The following RBFOX1 variants were observed in gnomAD, a reference collection of about 807,000 sequenced individuals.
RBFOX1 encodes the protein RNA binding fox-1 homolog 1.
Under a neutral mutation model 57.7 loss-of-function variants are expected in RBFOX1, and 8 were observed. The ratio of observed to expected loss-of-function variants is 0.14; its 90% CI spans 0.08 to 0.25. The LOEUF is 0.25. RBFOX1 is among the 10% of genes least tolerant of loss of function. The pLI is 1.00. For synonymous variants in RBFOX1, 326 were observed against 222.4 expected, an observed-to-expected ratio of 1.47 and a Z score of -4.15; for missense variants, 611 against 548.5, an observed-to-expected ratio of 1.11 and a Z score of -1.14.
Position 5,454,748 on chromosome 16 carries a change from TC to T in RBFOX1, c.220-12467del, listed in dbSNP as rs1212709106. Among the ~76,000 whole-genome samples, 419 of 109,374 alleles carry T rather than the reference TC, an allele frequency of 3.8e-3. 3 individuals are homozygous for T. Among genetic ancestry groups the T allele is most frequent in the African/African-American group, 0.015 (403 of 26,230 alleles). The allele number at this position is 109,374 out of a possible 152,430, so 71.8% of individuals were successfully genotyped here. A position where few individuals can be genotyped will look rare whatever the true frequency, so the allele number is the denominator to read the frequency against. On this transcript the variant is annotated intron_variant, in intron 1 of 2. Transcript: ENST00000585867. Reference sequence around the variant, plus strand: ...ATCTCTCTCTTTCTTTCTTTCTTTTTCTTTTCTTTTCTTTCTTTCTCTTTCT... The same window carrying T: ...ATCTCTCTCTTTCTTTCTTTCTTTTTTTTTCTTTTCTTTCTTTCTCTTTCT...
At chr16:5,420,032 C>G (rs1046911890) in intron 1 of RBFOX1, among the ~76,000 whole-genome samples, 18 of 152,118 alleles carry the variant, frequency 1.2e-4, no homozygotes, top group Admixed American at 9.8e-4. Context: ...GGAAGAGAGT[C>G]CAACTGAGTC....
At chr16:7,071,217 C>G (rs116428143) in intron 4 of RBFOX1, among the ~76,000 whole-genome samples, 2 of 151,978 alleles carry the variant, frequency 1.3e-5, no homozygotes, top group Non-Finnish European at 2.9e-5. Context: ...ATTCTAAAAG[C>G]TTTTATTGAG....
intron 1 of RBFOX1, among the ~76,000 whole-genome samples, chr16:6,026,366 C>T (rs982843239): frequency 6.6e-6 from 1 of 152,182 alleles, no homozygotes; most frequent in African/African-American, 2.4e-5. Flanking sequence ...CTTTTCAGAT[C>T]CCCATTTTGC....
At chr16:6,995,453 G>C (rs2092112626) in intron 3 of RBFOX1, among the ~76,000 whole-genome samples, 1 of 152,014 alleles carries the variant, frequency 6.6e-6, no homozygotes, top group African/African-American at 2.4e-5. Flanking sequence ...AAATAATCTT[G>C]CTGGTGGTGA....
At chr16:6,136,556 T>G (rs1275163499) in intron 1 of RBFOX1, among the ~76,000 whole-genome samples, 3 of 152,170 alleles carry the variant, frequency 2.0e-5, no homozygotes, top group Non-Finnish European at 4.4e-5. Flanking sequence ...AATGCCTGAG[T>G]TCTGTGCATT....
At chr16:6,243,137 C>CATGTGTGT (rs1555572839) in intron 1 of RBFOX1, among the ~76,000 whole-genome samples, 1 of 150,326 alleles carries the variant, frequency 6.7e-6, no homozygotes, top group Non-Finnish European at 1.5e-5. Context: ...GATATTTATA[C>CATGTGTGT]GTGTGTCTGT....
chr16:6,838,591 C>G (rs1158580804), intron 3 of RBFOX1, among the ~76,000 whole-genome samples: 3 of 152,308 alleles, frequency 2.0e-5, no homozygotes, highest in South Asian at 4.1e-4. Context: ...TGCTGCCCCT[C>G]TGCTGCTGCT....
intron 3 of RBFOX1, among the ~76,000 whole-genome samples, chr16:6,936,891 A>G (rs1377727266): frequency 1.5e-5 from 2 of 135,684 alleles, no homozygotes; most frequent in African/African-American, 5.6e-5. Context: ...TCCATCAGCC[A>G]GAGTGTGATG....
At chr16:5,276,652 G>A (rs758782597) in intron 1 of RBFOX1, among the ~76,000 whole-genome samples, 5 of 152,086 alleles carry the variant, frequency 3.3e-5, no homozygotes, top group South Asian at 2.1e-4. Context: ...GCATGGTGGC[G>A]GTTGCCTGTA....
chr16:6,346,128 C>G (rs947535884), intron 2 of RBFOX1, among the ~76,000 whole-genome samples: 1 of 152,142 alleles, frequency 6.6e-6, no homozygotes, highest in Non-Finnish European at 1.5e-5. Context: ...CATTTCCCAG[C>G]TTGACTTTTC....
At chr16:6,898,228 T>TTGGCATC (rs2067456114) in intron 3 of RBFOX1, among the ~76,000 whole-genome samples, 1 of 152,070 alleles carries the variant, frequency 6.6e-6, no homozygotes, top group African/African-American at 2.4e-5. Flanking sequence ...GGCCGCCCCT[T>TTGGCATC]TGGCATCAAG....
intron 1 of RBFOX1, among the ~76,000 whole-genome samples, chr16:5,319,405 C>A (rs963693163): frequency 2.0e-5 from 3 of 152,202 alleles, no homozygotes; most frequent in African/African-American, 7.2e-5. Flanking sequence ...CTCTGACTGT[C>A]TGCCCTCCCA....
intron 3 of RBFOX1, among the ~76,000 whole-genome samples, chr16:6,676,432 C>A (rs909721229): frequency 6.6e-6 from 1 of 152,106 alleles, no homozygotes; most frequent in Non-Finnish European, 1.5e-5. Context: ...ATAAAGGTGC[C>A]AGGAAGGCAG....
intron 3 of RBFOX1, among the ~76,000 whole-genome samples, chr16:6,780,764 G>T (rs1057230752): frequency 4.6e-5 from 7 of 150,992 alleles, no homozygotes; most frequent in Non-Finnish European, 1.0e-4. Context: ...GCATTTTTCC[G>T]CATACCTTTT....
intron 3 of RBFOX1, among the ~76,000 whole-genome samples, chr16:7,027,397 A>G (rs1317124483): frequency 6.6e-6 from 1 of 152,146 alleles, no homozygotes; most frequent in Admixed American, 6.5e-5. Flanking sequence ...CCTAACAAAA[A>G]CCCTGTAAGT....
At chr16:7,413,132 GA>G (rs896511327) in intron 4 of RBFOX1, among the ~76,000 whole-genome samples, 8 of 151,924 alleles carry the variant, frequency 5.3e-5, no homozygotes, top group South Asian at 2.1e-4. Context: ...CAGTGATGGG[GA>G]AAAAAAATGT....
intron 3 of RBFOX1, among the ~76,000 whole-genome samples, chr16:5,750,942 C>A (rs62014100): frequency 0.13 from 20,110 of 152,194 alleles, 1,443 homozygotes; most frequent in South Asian, 0.19. Context: ...TACCTGTCTT[C>A]TGCGTTGCTC....
chr16:7,223,543 C>G (rs530861515), intron 4 of RBFOX1, among the ~76,000 whole-genome samples: 1 of 152,178 alleles, frequency 6.6e-6, no homozygotes, highest in Admixed American at 6.5e-5. Context: ...TCCAAATTTT[C>G]AGGGGCATTT....
At position 5,983,373 on chromosome 16, in the gene RBFOX1, G is replaced by A. The variant is rs560450778; in HGVS notation, c.351+116038G>A. 2.6e-5 allele frequency among the ~76,000 whole-genome samples: 4 copies of A among 152,264 alleles called. No homozygotes were observed. In the South Asian group the frequency reaches 6.2e-4, roughly 24 times the overall value. On this transcript the variant is annotated intron_variant, in intron 4 of 19. Coordinates refer to the RBFOX1 transcript ENST00000641259. Reference sequence around the variant, plus strand: ...CCACTTAGACGTGGAGCTTCTCCGCGGACAAATCTAGTTTTGTCACTGAAT... The same window carrying A: ...CCACTTAGACGTGGAGCTTCTCCGCAGACAAATCTAGTTTTGTCACTGAAT...
Sources: allele counts gnomAD v4.1 joint callset (sites outside exome capture counted in the v4.1 genomes callset), GRCh38; gene constraint gnomAD v4.1.1; transcripts MANE v1.5; gene names NCBI Gene and HGNC (gene_info 2026-07-23, HGNC 2026-07-21).